The following VPS13B variants were observed in gnomAD, a reference collection of about 807,000 sequenced individuals.
VPS13B encodes the protein intermembrane lipid transfer protein VPS13B.
A neutral mutation model predicts 426.4 loss-of-function variants in VPS13B; 285 were observed. The ratio of observed to expected loss-of-function variants is 0.67; its 90% confidence interval spans 0.61 to 0.74. The LOEUF (loss-of-function observed/expected upper bound fraction) is 0.74, where lower values mean the gene tolerates loss of function less well. VPS13B is among the 30% of genes least tolerant of loss of function. The probability of loss-of-function intolerance (pLI) is 0.00; values close to 1 mark genes in which losing one functional copy is unlikely to be tolerated. For missense variants in VPS13B, 4,537 were observed against 4,782.6 expected (o/e 0.95, Z 1.51); for synonymous variants, 1,676 against 1,676.4 (o/e 1.00, Z 0.01).
At chr8:99,696,863 T>G (rs1588633014) in intron 35 of VPS13B, 1 of 860,712 alleles carries the variant, frequency 1.2e-6, no homozygotes, top group Non-Finnish European at 2.0e-6. Context: ...GGAGCTGCAG[T>G]CCATCGGCAT....
At chr8:99,835,115 A>T (rs752626369) in intron 52 of VPS13B, 82 bp from the exon 53 acceptor site, 1 of 1,588,268 alleles carries the variant, frequency 6.3e-7, no homozygotes, top group African/African-American at 1.3e-5. Flanking sequence ...AATGTTGCAA[A>T]TCTAAATAAA....
chr8:99,028,430 G>A (rs1214471356), intron 2 of VPS13B, among the ~76,000 whole-genome samples: 2 of 121,038 alleles, frequency 1.7e-5, no homozygotes, highest in Admixed American at 7.9e-5. Flanking sequence ...GGCGGCTGGC[G>A]GGGCAGAGGG....
At chr8:99,826,817 A>G (rs928084469) in intron 51 of VPS13B, among the ~76,000 whole-genome samples, 1 of 152,026 alleles carries the variant, frequency 6.6e-6, no homozygotes, top group Non-Finnish European at 1.5e-5. Flanking sequence ...TTTTGCATCT[A>G]TTGAGATAAT....
rs2130621889 is a variant in VPS13B at position 99,766,941 on chromosome 8, C to T, written c.7218C>T (p.Asn2406=). The T allele has an allele frequency of 6.2e-7, 1 of 1,613,906 alleles. No individual in the cohort carries two copies. ...CAGATCTTTGGAGAATTGTCTTGAACAGCAGTCAAAATGGAGCTGATGACC... is the reference window on the plus strand; with the variant it reads ...CAGATCTTTGGAGAATTGTCTTGAATAGCAGTCAAAATGGAGCTGATGACC... ...VSSDLWRIVL[N]SSQNGADDQS... is the part of the protein sequence containing the mutation. Residue 2406 remains asparagine (N), a synonymous_variant, in exon 40 of 62, where the codon AAC becomes AAT. Coordinates refer to ENST00000357162, the MANE Select transcript of VPS13B (RefSeq NM_152564.5).
chr8:99,030,692 G>C (rs1228939154), intron 2 of VPS13B, among the ~76,000 whole-genome samples: 3 of 152,166 alleles, frequency 2.0e-5, no homozygotes, highest in Non-Finnish European at 4.4e-5. Flanking sequence ...AAAGCACTCA[G>C]TGATCTCACC....
At chr8:99,221,928 C>T (rs1675205612) in intron 17 of VPS13B, among the ~76,000 whole-genome samples, 1 of 152,178 alleles carries the variant, frequency 6.6e-6, no homozygotes, top group African/African-American at 2.4e-5. Context: ...CAGAGGCAGA[C>T]ATAGAAACAA....
intron 39 of VPS13B, among the ~76,000 whole-genome samples, chr8:99,725,124 C>A (rs535869399): frequency 2.2e-4 from 34 of 152,202 alleles, no homozygotes; most frequent in Admixed American, 1.6e-3. Flanking sequence ...TAAAGCCCTC[C>A]TCTGAAATCT....
chr8:99,156,809 T>C, intron 15 of VPS13B, 66 bp downstream of exon 15: 1 of 1,514,462 alleles, frequency 6.6e-7, no homozygotes. Flanking sequence ...GATAAGTTTC[T>C]TTTTTCTTGA....
rs567013004 is a variant in VPS13B at position 99,495,928 on chromosome 8, G to A, written c.3871-5759G>A. Among the ~76,000 whole-genome samples, 10 of 152,316 alleles carry A rather than the reference G, an allele frequency of 6.6e-5. No individual in the cohort carries two copies. The East Asian group carries it at 1.9e-3, about 29-fold the overall frequency. The stretch of plus-strand genomic sequence containing the variant: ...GTAGTGCATGGCTAGGAATAGCCCT[G>A]TGGTGATTTGGAGGATCAGGCAGGC... On this transcript the variant is annotated intron_variant, in intron 25 of 61. Transcript: ENST00000357162.
chr8:99,045,629 T>A (rs1843201176), intron 3 of VPS13B, among the ~76,000 whole-genome samples: 1 of 152,234 alleles, frequency 6.6e-6, no homozygotes, highest in South Asian at 2.1e-4. Flanking sequence ...CCTAAGCCAA[T>A]GTCTAGAGGG....
chr8:99,830,873 G>A (rs141073087), intron 51 of VPS13B, among the ~76,000 whole-genome samples: 2,201 of 152,066 alleles, frequency 0.014, 59 homozygotes, highest in African/African-American at 0.051. Flanking sequence ...GATCCCTTGC[G>A]CTTCCCGGGT....
At chr8:99,013,645 TA>T in intron 1 of VPS13B, 114 bp from the exon 2 acceptor site, 1 of 921,240 alleles carries the variant, frequency 1.1e-6, no homozygotes, top group Non-Finnish European at 1.7e-6. Context: ...TCTCTGTTTC[TA>T]AGAGGAGGCG....
chr8:99,188,490 G>A (rs1011722739), intron 16 of VPS13B, among the ~76,000 whole-genome samples: 1 of 152,092 alleles, frequency 6.6e-6, no homozygotes, highest in African/African-American at 2.4e-5. Flanking sequence ...GGGTACATTT[G>A]TGTTGTTCTC....
At chr8:99,349,332 CAAAAAA>C (rs35441676) in intron 19 of VPS13B, among the ~76,000 whole-genome samples, 27 of 47,742 alleles carry the variant, frequency 5.7e-4, no homozygotes, top group African/African-American at 8.2e-4. Flanking sequence ...GACTCCGTCT[CAAAAAA>C]AAAAAAAAAA....
intron 34 of VPS13B, among the ~76,000 whole-genome samples, chr8:99,644,950 G>C (rs1229732317): frequency 6.6e-6 from 1 of 152,128 alleles, no homozygotes. Flanking sequence ...TTCTATCTTA[G>C]AGATTAGGAA....
intron 19 of VPS13B, among the ~76,000 whole-genome samples, chr8:99,284,637 A>G (rs949023002): frequency 6.6e-6 from 1 of 151,598 alleles, no homozygotes; most frequent in Non-Finnish European, 1.5e-5. Context: ...TGCATCCTCT[A>G]CCTCCTGGGC....
intron 17 of VPS13B, among the ~76,000 whole-genome samples, chr8:99,204,651 A>T (rs918786200): frequency 4.6e-5 from 7 of 152,198 alleles, no homozygotes; most frequent in African/African-American, 1.4e-4. Context: ...AGGAACTTAA[A>T]CACATTTACA....
At chr8:99,865,371 C>G (rs925385731) in intron 58 of VPS13B, among the ~76,000 whole-genome samples, 8 of 152,236 alleles carry the variant, frequency 5.3e-5, no homozygotes, top group African/African-American at 1.9e-4. Flanking sequence ...CTCTGACCCC[C>G]ACTTCTTTTG....
intron 33 of VPS13B, among the ~76,000 whole-genome samples, chr8:99,589,252 C>T (rs971195904): frequency 1.2e-4 from 18 of 151,514 alleles, no homozygotes; most frequent in African/African-American, 1.5e-4. Flanking sequence ...ATGTGCACAA[C>T]GTGCAGGTTT....
Sources: allele counts gnomAD v4.1 joint callset (sites outside exome capture counted in the v4.1 genomes callset), GRCh38; gene constraint gnomAD v4.1.1; transcripts MANE v1.5; gene names NCBI Gene and HGNC (gene_info 2026-07-23, HGNC 2026-07-21).